The following GOLGA1 variants were observed in gnomAD, a reference collection of about 807,000 sequenced individuals.
GOLGA1 encodes the protein golgin subfamily A member 1.
Under a neutral mutation model 119.7 loss-of-function variants are expected in GOLGA1, and 63 were observed. The observed-to-expected ratio is 0.53, with a 90% CI of 0.43 to 0.65. GOLGA1 has a LOEUF of 0.65. Ranked by LOEUF, GOLGA1 falls within the 30% of genes least tolerant of loss-of-function variation. The probability of loss-of-function intolerance (pLI) is 0.00; values close to 1 mark genes in which losing one functional copy is unlikely to be tolerated. For missense variants in GOLGA1, 798 were observed against 912.8 expected (o/e 0.87, Z 1.62); for synonymous variants, 318 against 333.4 (o/e 0.95, Z 0.50).
chr9:124,934,195 T>C (rs1421675725), intron 3 of GOLGA1, among the ~76,000 whole-genome samples: 1 of 152,218 alleles, frequency 6.6e-6, no homozygotes, highest in Non-Finnish European at 1.5e-5. Context: ...TATGACTCTA[T>C]AACCTGACCT....
At chr9:124,934,872 C>G (rs1830834532) in intron 3 of GOLGA1, among the ~76,000 whole-genome samples, 1 of 152,124 alleles carries the variant, frequency 6.6e-6, no homozygotes, top group South Asian at 2.1e-4. Context: ...CATGGCAAAA[C>G]TCCGTCGCTA....
Position 124,879,207 on chromosome 9 carries a change from T to A in GOLGA1, c.*1323A>T, listed in dbSNP as rs1564316324. The A allele has an allele frequency of 6.6e-6, 1 of 152,208 alleles. No individual in the cohort carries two copies. The highest frequency in any genetic ancestry group is 1.5e-5 in the Non-Finnish European group (1 of 68,036). 9.4% of individuals were successfully genotyped at this position (152,208 alleles called of 1,614,324 possible). A position where few individuals can be genotyped will look rare whatever the true frequency, so the allele number is the denominator to read the frequency against. On this transcript the variant is annotated 3_prime_UTR_variant, in exon 23 of 23. Coordinates refer to ENST00000373555, the MANE Select transcript of GOLGA1 (RefSeq NM_002077.4). ...TGGATAATAAATTTAGAGGCTCCAG[T>A]TATTAATTTAGTTTTTTATTTAACC...
chr9:124,917,125 T>C (rs1452124520), intron 10 of GOLGA1, among the ~76,000 whole-genome samples: 2 of 152,028 alleles, frequency 1.3e-5, no homozygotes, highest in Non-Finnish European at 1.5e-5. Context: ...AGTTTAGGGA[T>C]AAAACTGACA....
intron 7 of GOLGA1, 117 bp downstream of exon 7, chr9:124,926,592 A>G (rs1830677236): frequency 1.3e-6 from 1 of 773,444 alleles, no homozygotes; most frequent in African/African-American, 1.7e-5. Flanking sequence ...CTAATCATAA[A>G]CTGTCCTGCT....
In GOLGA1 at chr9:124,879,261, T is replaced by C. The variant is rs1417135303; in HGVS notation, c.*1269A>G. The C allele has an allele frequency of 1.3e-5, 2 of 152,118 alleles. No homozygotes were observed. The highest frequency in any genetic ancestry group is 4.8e-5 in the African/African-American group (2 of 41,426). The allele number at this position is 152,118 out of a possible 1,614,324, so 9.4% of individuals were successfully genotyped here. Reference sequence around the variant, plus strand: ...GAAACTTTCATCAAACAATAAACGGTTTCCTTTTAGATTCAATATTGTGGC... The same window carrying C: ...GAAACTTTCATCAAACAATAAACGGCTTCCTTTTAGATTCAATATTGTGGC... On this transcript the variant is annotated 3_prime_UTR_variant, in exon 23 of 23. Coordinates refer to ENST00000373555, the MANE Select transcript of GOLGA1 (RefSeq NM_002077.4).
At position 124,914,546 on chromosome 9, in the gene GOLGA1, G is replaced by A. The variant is rs541321527; in HGVS notation, c.844-2520C>T. Among the ~76,000 whole-genome samples the A allele has an allele frequency of 2.8e-4, 43 of 152,234 alleles. 1 individual carries two copies. In the South Asian group the frequency reaches 8.9e-3, roughly 32 times the overall value. The stretch of plus-strand genomic sequence containing the variant: ...AAAAAGAGTAACTGTTGATGTAAGA[G>A]TTGGAGAACATTACCTGATTTCAAC... On this transcript the variant is annotated intron_variant, in intron 10 of 22. Coordinates refer to ENST00000373555, the MANE Select transcript of GOLGA1 (RefSeq NM_002077.4).
chr9:124,914,080 G>A (rs1297146693), intron 10 of GOLGA1, among the ~76,000 whole-genome samples: 2 of 152,146 alleles, frequency 1.3e-5, no homozygotes, highest in Admixed American at 1.3e-4. Flanking sequence ...GAAAAAAAAA[G>A]CCAGTTTTGG....
chr9:124,900,421 C>G (rs771282967), intron 13 of GOLGA1, 31 bp downstream of exon 13: 14 of 1,089,666 alleles, frequency 1.3e-5, no homozygotes, highest in Non-Finnish European at 2.0e-5. Flanking sequence ...CATTAAGGGC[C>G]TGGAATGCAG....
intron 10 of GOLGA1, among the ~76,000 whole-genome samples, chr9:124,917,993 C>G (rs930423221): frequency 6.6e-6 from 1 of 152,124 alleles, no homozygotes; most frequent in African/African-American, 2.4e-5. Flanking sequence ...GCTGGGATTA[C>G]AGGTGTGTGC....
intron 10 of GOLGA1, among the ~76,000 whole-genome samples, chr9:124,920,558 G>A (rs992637149): frequency 1.3e-5 from 2 of 152,048 alleles, no homozygotes; most frequent in African/African-American, 4.8e-5. Flanking sequence ...CTGGATTAGA[G>A]CCAAGTATGT....
At chr9:124,920,022 C>T (rs1401076229) in intron 10 of GOLGA1, among the ~76,000 whole-genome samples, 2 of 152,018 alleles carry the variant, frequency 1.3e-5, no homozygotes, top group Admixed American at 1.3e-4. Flanking sequence ...CGCAGTGGCA[C>T]AATCTCAGCT....
At chr9:124,906,121 AAAT>A (rs1830226006) in intron 12 of GOLGA1, among the ~76,000 whole-genome samples, 7 of 25,798 alleles carry the variant, frequency 2.7e-4, no homozygotes, top group East Asian at 2.5e-3. Flanking sequence ...TCCAAAAAAT[AAAT>A]AAATAAATAA....
At chr9:124,905,399 T>A (rs1588074853) in intron 12 of GOLGA1, among the ~76,000 whole-genome samples, 3 of 151,988 alleles carry the variant, frequency 2.0e-5, no homozygotes, top group Admixed American at 2.0e-4. Context: ...GAAGCGGAGG[T>A]TGCAGTGAGC....
intron 7 of GOLGA1, among the ~76,000 whole-genome samples, chr9:124,925,870 G>A (rs1053652737): frequency 1.3e-5 from 2 of 152,056 alleles, no homozygotes; most frequent in African/African-American, 4.8e-5. Flanking sequence ...ATTTCATCTC[G>A]TTTATATGTG....
chr9:124,890,566 G>T, intron 15 of GOLGA1, 88 bp from the exon 16 acceptor site: 1 of 999,372 alleles, frequency 1.0e-6, no homozygotes. Flanking sequence ...GACAGGGCAT[G>T]GCTTTGCAGA....
intron 15 of GOLGA1, among the ~76,000 whole-genome samples, chr9:124,894,032 T>C (rs893435908): frequency 1.3e-5 from 2 of 152,332 alleles, no homozygotes; most frequent in Admixed American, 6.5e-5. Context: ...CGGTGACTAT[T>C]CTTCCCAGCG....
chr9:124,893,205 C>T (rs1829897328), intron 15 of GOLGA1, among the ~76,000 whole-genome samples: 1 of 152,042 alleles, frequency 6.6e-6, no homozygotes, highest in African/African-American at 2.4e-5. Context: ...AAATACCCAT[C>T]CCCCAGAAAG....
intron 12 of GOLGA1, among the ~76,000 whole-genome samples, chr9:124,902,321 C>G (rs907183960): frequency 2.0e-5 from 3 of 151,484 alleles, no homozygotes; most frequent in African/African-American, 7.3e-5. Flanking sequence ...ACTGTGTTAG[C>G]CAGGATGGTC....
At chr9:124,901,318 T>C (rs1830101107) in intron 12 of GOLGA1, among the ~76,000 whole-genome samples, 1 of 150,150 alleles carries the variant, frequency 6.7e-6, no homozygotes, top group Admixed American at 6.7e-5. Context: ...GTCATCAGGC[T>C]GGAGTGCAGT....
Sources: gnomAD v4.1 joint callset for allele counts (sites outside exome capture counted in the v4.1 genomes callset) on GRCh38, gnomAD v4.1.1 for gene constraint, MANE v1.5 for transcripts, NCBI Gene and HGNC (gene_info 2026-07-23, HGNC 2026-07-21) for gene names.